Variants in TENM2 observed in about 807,000 individuals in gnomAD.
TENM2 encodes teneurin-2.
In TENM2, 52 loss-of-function variants were observed where a neutral mutation model predicts 245.2. That is an observed-to-expected ratio of 0.21 (90% CI 0.17 to 0.27). TENM2 has a LOEUF of 0.27. TENM2 is among the 10% of genes least tolerant of loss of function. The probability of loss-of-function intolerance (pLI) is 1.00; values close to 1 mark genes in which losing one functional copy is unlikely to be tolerated. For missense variants in TENM2, 3,046 were observed against 3,666.8 expected (o/e 0.83, Z 4.37); for synonymous variants, 1,363 against 1,438.9 (o/e 0.95, Z 1.19).
intron 4 of TENM2, among the ~76,000 whole-genome samples, chr5:167,971,091 A>G (rs942079691): frequency 1.3e-5 from 2 of 152,200 alleles, no homozygotes; most frequent in African/African-American, 4.8e-5. Flanking sequence ...AATACCATTC[A>G]GTTTGGGGAA....
the TENM2 span, among the ~76,000 whole-genome samples, chr5:167,188,617 T>G: frequency 1.3e-5 from 2 of 152,132 alleles, no homozygotes; most frequent in Non-Finnish European, 2.9e-5. Context: ...AGAAAAGAGT[T>G]TGACAAGGTT....
chr5:167,610,830 C>G (rs1777432985), intron 2 of TENM2, among the ~76,000 whole-genome samples: 1 of 152,104 alleles, frequency 6.6e-6, no homozygotes, highest in Admixed American at 6.5e-5. Context: ...CTGTGATTGG[C>G]TCTTCATTAC....
chr5:167,158,196 T>C, the TENM2 span, among the ~76,000 whole-genome samples: 1 of 152,190 alleles, frequency 6.6e-6, no homozygotes, highest in Non-Finnish European at 1.5e-5. Flanking sequence ...AACACAGATA[T>C]AGAACACAGA....
At chr5:167,386,560 T>C (rs1178063212) in intron 2 of TENM2, among the ~76,000 whole-genome samples, 1 of 152,212 alleles carries the variant, frequency 6.6e-6, no homozygotes, top group Admixed American at 6.5e-5. Flanking sequence ...TTGCATTTGC[T>C]TTTGGGTTCC....
At chr5:167,753,081 G>C (rs2150658399) in intron 2 of TENM2, among the ~76,000 whole-genome samples, 1 of 152,246 alleles carries the variant, frequency 6.6e-6, no homozygotes, top group African/African-American at 2.4e-5. Context: ...GAAAGATAAT[G>C]GTTTCCTAGG....
the TENM2 span, among the ~76,000 whole-genome samples, chr5:166,983,030 G>A: frequency 6.6e-6 from 1 of 151,920 alleles, no homozygotes; most frequent in Non-Finnish European, 1.5e-5. Context: ...TCAGTACTAT[G>A]CACTATCAGC....
At chr5:167,796,475 T>C (rs1765326940) in intron 2 of TENM2, among the ~76,000 whole-genome samples, 1 of 152,202 alleles carries the variant, frequency 6.6e-6, no homozygotes, top group Non-Finnish European at 1.5e-5. Flanking sequence ...CTTCATGTAC[T>C]CAACTCGCAG....
chr5:168,165,764 A>AAAGCAAACCCCCC (rs1554212463), intron 13 of TENM2: 11 of 143,454 alleles, frequency 7.7e-5, no homozygotes, highest in Non-Finnish European at 1.0e-4. Flanking sequence ...GGGAACTGTT[A>AAAGCAAACCCCCC]AAGCAAACCT....
intron 3 of TENM2, among the ~76,000 whole-genome samples, chr5:167,879,292 A>T (rs1384585697): frequency 6.6e-6 from 1 of 152,192 alleles, no homozygotes; most frequent in Non-Finnish European, 1.5e-5. Flanking sequence ...AATCTATGCC[A>T]ATCAAGTAGA....
chr5:167,704,006 T>A (rs1214058172), intron 2 of TENM2, among the ~76,000 whole-genome samples: 2 of 152,198 alleles, frequency 1.3e-5, no homozygotes. Context: ...CAAGCTTTTG[T>A]CTTAATAAGA....
In TENM2 at chr5:168,247,060, G is replaced by T; in HGVS notation, c.6121G>T (p.Gly2041Trp). ...CTACGACAGTACCGCCGTCACCTTC[G>T]GGTATGACGAGACCACTGGTGTCTT... Residue 2041 changes from glycine (G) to tryptophan (W), a missense_variant, in exon 27 of 29, where the codon GGG becomes TGG. Physicochemically the swap from Gly to Trp is radical, Grantham distance 184 (BLOSUM62 -2). Around this residue, in one of 2 missense-constraint regions of TENM2, gnomAD observed 2,704 missense variants for 3,331.9 expected, o/e 0.81. Coordinates refer to ENST00000518659, the Ensembl canonical transcript of TENM2. The surrounding 1 kb of genome is among the most constrained non-coding windows in gnomAD (Gnocchi z 7.8). The T allele has an allele frequency of 6.2e-7, 1 of 1,613,892 alleles. No homozygotes were observed. The highest frequency in any genetic ancestry group is 8.5e-7 in the Non-Finnish European group (1 of 1,179,878).
chr5:167,120,347 C>T, the TENM2 span, among the ~76,000 whole-genome samples: 1 of 152,088 alleles, frequency 6.6e-6, no homozygotes, highest in Non-Finnish European at 1.5e-5. Context: ...TAGCAAAGCT[C>T]CACGAGAGAA....
chr5:167,271,846 C>T, the TENM2 span, among the ~76,000 whole-genome samples: 9 of 152,124 alleles, frequency 5.9e-5, no homozygotes, highest in Non-Finnish European at 1.0e-4. Flanking sequence ...TATCCCCAGA[C>T]ATGTCAGTAT....
intron 2 of TENM2, among the ~76,000 whole-genome samples, chr5:167,866,096 CA>C (rs1252189875): frequency 4.6e-5 from 7 of 152,172 alleles, no homozygotes; most frequent in African/African-American, 1.7e-4. Context: ...GTAACAAAAG[CA>C]ATGATGAAAG....
At chr5:168,057,228 G>T (rs1289164202) in intron 6 of TENM2, among the ~76,000 whole-genome samples, 1 of 151,952 alleles carries the variant, frequency 6.6e-6, no homozygotes, top group Non-Finnish European at 1.5e-5. Flanking sequence ...TTGTGAAAGT[G>T]AAGTCACCTG....
chr5:167,445,369 A>AGAGAGAGAGAGAGAGAGAGTGAGAGAGT (rs35699708), intron 2 of TENM2, among the ~76,000 whole-genome samples: 1 of 98,578 alleles, frequency 1.0e-5, no homozygotes. Context: ...AGAGAGAGAG[A>AGAGAGAGAGAGAGAGAGAGTGAGAGAGT]GTGTCAGGTG....
the TENM2 span, among the ~76,000 whole-genome samples, chr5:166,993,036 C>T: frequency 6.6e-6 from 1 of 152,028 alleles, no homozygotes; most frequent in East Asian, 1.9e-4. Flanking sequence ...TCCCCTCCCC[C>T]ACTCCTGCTT....
intron 2 of TENM2, among the ~76,000 whole-genome samples, chr5:167,775,029 G>A (rs1358071221): frequency 6.6e-6 from 1 of 152,056 alleles, no homozygotes; most frequent in Non-Finnish European, 1.5e-5. Context: ...GAGTGCAATG[G>A]CGCAATCTCG....
chr5:167,179,090 T>C, the TENM2 span, among the ~76,000 whole-genome samples: 2 of 152,212 alleles, frequency 1.3e-5, no homozygotes, highest in African/African-American at 4.8e-5. Flanking sequence ...ACTTTGTGAT[T>C]TTTTTTCTCT....
Sources: gnomAD v4.1 joint callset for allele counts (sites outside exome capture counted in the v4.1 genomes callset) on GRCh38, gnomAD v4.1.1 for gene constraint, gnomAD v4.1.1 regional missense constraint, Gnocchi (gnomAD v3.1) non-coding constraint, MANE v1.5 for transcripts, NCBI Gene and HGNC (gene_info 2026-07-23, HGNC 2026-07-21) for gene names.